The following TIAM1 variants were observed in gnomAD, a reference collection of about 807,000 sequenced individuals.
The protein encoded by TIAM1 is rho guanine nucleotide exchange factor TIAM1.
In TIAM1, 65 loss-of-function variants were observed where a neutral mutation model predicts 163.5. That is an observed-to-expected ratio of 0.40 (90% CI 0.33 to 0.49). The LOEUF (loss-of-function observed/expected upper bound fraction) is 0.49, where lower values mean the gene tolerates loss of function less well. TIAM1 is among the 20% of genes least tolerant of loss of function. The pLI, the probability that TIAM1 is intolerant of heterozygous loss-of-function variation, is 0.77. For missense variants in TIAM1, 1,789 were observed against 2,044.7 expected, an observed-to-expected ratio of 0.87 and a Z score of 2.41; for synonymous variants, 833 against 810.1, an observed-to-expected ratio of 1.03 and a Z score of -0.48.
At chr21:31,127,187 G>A in intron 25 of TIAM1, 35 bp from the exon 26 acceptor site, 1 of 1,592,690 alleles carries the variant, frequency 6.3e-7, no homozygotes, top group Non-Finnish European at 8.6e-7. Flanking sequence ...ATCAGGGTAT[G>A]TTTCAAGTGG....
intron 1 of TIAM1, among the ~76,000 whole-genome samples, chr21:31,486,153 G>A (rs777018152): frequency 1.6e-4 from 24 of 152,212 alleles, no homozygotes; most frequent in Non-Finnish European, 3.2e-4. Context: ...CTGTGGGGAG[G>A]GAGGTGCCAT....
intron 2 of TIAM1, among the ~76,000 whole-genome samples, chr21:31,297,869 G>T (rs2074348659): frequency 6.6e-6 from 1 of 152,172 alleles, no homozygotes; most frequent in South Asian, 2.1e-4. Flanking sequence ...TCTTTATGAT[G>T]AACAGTTAAC....
intron 2 of TIAM1, among the ~76,000 whole-genome samples, chr21:31,431,319 T>G (rs1363294840): frequency 6.6e-6 from 1 of 152,208 alleles, no homozygotes; most frequent in Non-Finnish European, 1.5e-5. Context: ...TAGGGCTTGT[T>G]AAACCTCTAG....
intron 2 of TIAM1, among the ~76,000 whole-genome samples, chr21:31,449,179 G>A (rs897528507): frequency 3.3e-5 from 5 of 151,946 alleles, no homozygotes; most frequent in Non-Finnish European, 7.4e-5. Flanking sequence ...TGCCCAGGCT[G>A]GTCTTGAACT....
upstream of TIAM1, among the ~76,000 whole-genome samples, chr21:31,345,813 G>T (rs538008298): frequency 1.3e-5 from 2 of 152,084 alleles, no homozygotes; most frequent in Non-Finnish European, 1.5e-5. Flanking sequence ...AGCCAGGCAC[G>T]GTGGTGTGTG....
chr21:31,412,775 G>A (rs1257186270), intron 2 of TIAM1, among the ~76,000 whole-genome samples: 12 of 130,428 alleles, frequency 9.2e-5, no homozygotes. Context: ...GAGCAAGACT[G>A]TCTCAGGTTA....
At position 31,130,112 on chromosome 21, in the gene TIAM1, A is replaced by AC; in HGVS notation, c.4045+100_4045+101insG. ...AAGCATAGGGAAAAAAAAAAAAAAA[A>AC]GACGGTAGAAGAGTTAGACCAAGAG... On this transcript the variant is annotated intron_variant, in intron 25 of 27. Transcript: ENST00000541036. The AC allele has an allele frequency of 3.8e-5, 35 of 911,690 alleles. No individual in the cohort carries two copies. In the South Asian group the frequency reaches 5.6e-4, roughly 14 times the overall value. The allele number at this position is 911,690 out of a possible 1,614,324, so 56.5% of individuals were successfully genotyped here. A position where few individuals can be genotyped will look rare whatever the true frequency, so the allele number is the denominator to read the frequency against.
At chr21:31,136,930 C>T (rs936620463) in intron 22 of TIAM1, among the ~76,000 whole-genome samples, 1 of 152,208 alleles carries the variant, frequency 6.6e-6, no homozygotes, top group African/African-American at 2.4e-5. Context: ...TTGAAGATTC[C>T]TCTATTGGCA....
At chr21:31,142,200 T>A (rs2082877116) in intron 20 of TIAM1, among the ~76,000 whole-genome samples, 1 of 152,020 alleles carries the variant, frequency 6.6e-6, no homozygotes, top group South Asian at 2.1e-4. Flanking sequence ...AAACTAATAA[T>A]CATCCGTCCC....
chr21:31,494,990 A>C (rs2046592387), intron 1 of TIAM1, among the ~76,000 whole-genome samples: 1 of 152,240 alleles, frequency 6.6e-6, no homozygotes, highest in South Asian at 2.1e-4. Flanking sequence ...TGAAGTACTT[A>C]GGCAGCAAAG....
rs191452890 is a variant in TIAM1, at chr21:31,138,811, T to A, written c.3774+2307A>T. Among the ~76,000 whole-genome samples, 622 of 152,330 alleles carry A rather than the reference T, an allele frequency of 4.1e-3. 5 individuals carry two copies. The highest frequency in any genetic ancestry group is 0.014 in the African/African-American group (589 of 41,574). On this transcript the variant is annotated intron_variant, in intron 22 of 27. Coordinates refer to ENST00000541036, the MANE Select transcript of TIAM1 (RefSeq NM_001353694.2). The stretch of plus-strand genomic sequence containing the variant: ...AGTAAAACCAACTGCCTTGGAGTAA[T>A]TGATTCCCACTGGGGGTCTATTTCC...
chr21:31,497,091 C>A (rs2046688498), intron 1 of TIAM1, among the ~76,000 whole-genome samples: 1 of 152,192 alleles, frequency 6.6e-6, no homozygotes, highest in Admixed American at 6.5e-5. Flanking sequence ...CGGCCCTGTT[C>A]CTAACAGGCC....
At chr21:31,541,179 T>C (rs554507684) in intron 1 of TIAM1, among the ~76,000 whole-genome samples, 3 of 152,298 alleles carry the variant, frequency 2.0e-5, no homozygotes, top group African/African-American at 7.2e-5. Flanking sequence ...AATGTCAGGC[T>C]GGGCATGGTG....
chr21:31,490,627 T>G (rs754102440), intron 1 of TIAM1, among the ~76,000 whole-genome samples: 17 of 152,158 alleles, frequency 1.1e-4, no homozygotes, highest in Non-Finnish European at 2.5e-4. Flanking sequence ...CATTACTCCT[T>G]GCCTGTGATT....
chr21:31,316,627 G>T (rs1011551310), intron 2 of TIAM1, among the ~76,000 whole-genome samples: 6 of 152,130 alleles, frequency 3.9e-5, no homozygotes, highest in African/African-American at 1.2e-4. Context: ...TTGTGTGATG[G>T]GCATGCCTAT....
At chr21:31,246,466 C>T (rs1400886242) in intron 5 of TIAM1, among the ~76,000 whole-genome samples, 1 of 152,176 alleles carries the variant, frequency 6.6e-6, no homozygotes, top group Non-Finnish European at 1.5e-5. Flanking sequence ...ACATTTACTC[C>T]AAACTAACTG....
At chr21:31,381,688 C>A (rs1455127431) in intron 2 of TIAM1, among the ~76,000 whole-genome samples, 5 of 151,924 alleles carry the variant, frequency 3.3e-5, no homozygotes, top group Non-Finnish European at 7.4e-5. Context: ...AAAAAATAGC[C>A]AGACATGGTG....
At chr21:31,410,612 T>C (rs538474737) in intron 2 of TIAM1, among the ~76,000 whole-genome samples, 10 of 151,830 alleles carry the variant, frequency 6.6e-5, no homozygotes, top group South Asian at 2.1e-4. Flanking sequence ...TGAGAGTGAA[T>C]TGAGTGTTAG....
chr21:31,401,741 T>A (rs2077167793), intron 2 of TIAM1, among the ~76,000 whole-genome samples: 1 of 151,686 alleles, frequency 6.6e-6, no homozygotes, highest in African/African-American at 2.4e-5. Flanking sequence ...AGACCCCATC[T>A]CTACAAAAAA....
Sources: gnomAD v4.1 joint callset for allele counts (sites outside exome capture counted in the v4.1 genomes callset) on GRCh38, gnomAD v4.1.1 for gene constraint, MANE v1.5 for transcripts, NCBI Gene and HGNC (gene_info 2026-07-23, HGNC 2026-07-21) for gene names.